CYBRD1: variants seen among roughly 807,000 people sequenced by gnomAD.
CYBRD1 encodes cytochrome b reductase 1.
In CYBRD1, 14 loss-of-function variants were observed where a neutral mutation model predicts 21.9. The observed-to-expected ratio is 0.64, with a 90% confidence interval of 0.42 to 1.00. The LOEUF (loss-of-function observed/expected upper bound fraction) is 1.00. Ranked by LOEUF, CYBRD1 falls within the 50% of genes least tolerant of loss-of-function variation. The pLI, the probability that CYBRD1 is intolerant of heterozygous loss-of-function variation, is 0.00. For missense variants in CYBRD1, 328 were observed against 352.5 expected (o/e 0.93, Z 0.56); for synonymous variants, 146 against 136.5 (o/e 1.07, Z -0.48).
At position 171,555,224 on chromosome 2, in the gene CYBRD1, T is replaced by C. The variant is rs1487440196; in HGVS notation, c.*397T>C. Reference sequence around the variant, plus strand: ...TTCTGGGAGACAATGATTTCACAACTAGCGGGAAGCAGTCCTAAAAGTTTA... The same window carrying C: ...TTCTGGGAGACAATGATTTCACAACCAGCGGGAAGCAGTCCTAAAAGTTTA... On this transcript the variant is annotated 3_prime_UTR_variant, in exon 4 of 4. Transcript: ENST00000321348. 1.1e-5 allele frequency: 3 copies of C among 274,212 alleles called. No homozygotes were observed. In the East Asian group the frequency reaches 3.0e-4, roughly 27 times the overall value. The allele number at this position is 274,212 out of a possible 1,614,324, so 17.0% of individuals were successfully genotyped here.
chr2:171,547,657 G>A (rs1222993301), intron 2 of CYBRD1, among the ~76,000 whole-genome samples: 8 of 152,106 alleles, frequency 5.3e-5, no homozygotes, highest in Non-Finnish European at 1.5e-5. Flanking sequence ...GGCTTGGGGT[G>A]ATTTCTTGCT....
chr2:171,527,983 C>T (rs1697408673), intron 1 of CYBRD1, among the ~76,000 whole-genome samples: 1 of 152,158 alleles, frequency 6.6e-6, no homozygotes, highest in African/African-American at 2.4e-5. Context: ...CTAATGACTA[C>T]CATGTCACTA....
chr2:171,553,909 A>G (rs921559496), intron 3 of CYBRD1, among the ~76,000 whole-genome samples: 1 of 152,236 alleles, frequency 6.6e-6, no homozygotes, highest in African/African-American at 2.4e-5. Context: ...AAGCAAGTAA[A>G]GAATGAAGCA....
Position 171,522,858 on chromosome 2 carries a change from G to A in CYBRD1, c.193+120G>A. ...CTGGAGGATCGCGGGGCCCGGAGGA[G>A]TGCGGTGAGGAGCGCGCGGGAAGCC... On this transcript the variant is annotated intron_variant, in intron 1 of 3. Transcript: ENST00000321348. The surrounding 1 kb of genome is among the most constrained non-coding windows in gnomAD (Gnocchi z 4.3). The A allele has an allele frequency of 6.7e-7, 1 of 1,492,950 alleles. No homozygotes were observed. The highest frequency in any genetic ancestry group is 9.0e-7 in the Non-Finnish European group (1 of 1,109,906). 92.5% of individuals were successfully genotyped at this position (1,492,950 alleles called of 1,614,324 possible).
intron 2 of CYBRD1, among the ~76,000 whole-genome samples, chr2:171,542,857 G>C (rs909442787): frequency 5.3e-5 from 8 of 151,896 alleles, no homozygotes; most frequent in Non-Finnish European, 1.0e-4. Flanking sequence ...CTCCAGCCTG[G>C]GCAACAGAGC....
At chr2:171,547,435 CTTTTT>C (rs35411294) in intron 2 of CYBRD1, among the ~76,000 whole-genome samples, 1 of 136,982 alleles carries the variant, frequency 7.3e-6, no homozygotes, top group African/African-American at 2.7e-5. Context: ...TTTGGGTGCT[CTTTTT>C]TTTTTTTTTT....
rs778755032 is a variant in CYBRD1, at chr2:171,522,542, G to T, written c.-4G>T. 6.9e-6 allele frequency: 11 copies of T among 1,594,384 alleles called. No individual in the cohort carries two copies. Among genetic ancestry groups the T allele is most frequent in the Non-Finnish European group, 1.7e-6 (2 of 1,171,786 alleles). ...GCCCCCGCGGTGCGGAGTATGGGGC[G>T]CTGATGGCCATGGAGGGCTACTGGC... On this transcript the variant is annotated 5_prime_UTR_variant, in exon 1 of 4. Transcript: ENST00000321348. This position sits in a 1 kb window ranked among gnomAD's most constrained non-coding sequence, Gnocchi z 4.3.
rs1478671516 is a variant in CYBRD1 at position 171,556,360 on chromosome 2, G to A, written c.*1533G>A. 3.3e-5 allele frequency: 5 copies of A among 152,142 alleles called. No homozygotes were observed. Among genetic ancestry groups the A allele is most frequent in the Non-Finnish European group, 5.9e-5 (4 of 68,028 alleles). 9.4% of individuals were successfully genotyped at this position (152,142 alleles called of 1,614,324 possible). A position where few individuals can be genotyped will look rare whatever the true frequency, so the allele number is the denominator to read the frequency against. ...CTCAGTAGTGAATTGAGACTTGGAGGTGACTTTTCATGTTTGGAGTATCAT... is the reference window on the plus strand; with the variant it reads ...CTCAGTAGTGAATTGAGACTTGGAGATGACTTTTCATGTTTGGAGTATCAT... On this transcript the variant is annotated 3_prime_UTR_variant, in exon 4 of 4. Coordinates refer to ENST00000321348, the MANE Select transcript of CYBRD1 (RefSeq NM_024843.4).
At chr2:171,546,108 A>G (rs893256790) in intron 2 of CYBRD1, among the ~76,000 whole-genome samples, 4 of 152,178 alleles carry the variant, frequency 2.6e-5, no homozygotes, top group African/African-American at 7.2e-5. Flanking sequence ...GGCTTTGCTT[A>G]GTGGGAGGAA....
Position 171,554,590 on chromosome 2 carries a change from C to A in CYBRD1, c.624C>A (p.Ile208=). 6.2e-7 allele frequency: 1 copy of A among 1,613,918 alleles called. No individual in the cohort carries two copies. Among genetic ancestry groups the A allele is most frequent in the Non-Finnish European group, 8.5e-7 (1 of 1,179,898 alleles). ...TCGTAAATACGCTTGGCCTTCTGAT[C>A]CTGGTGTTCGGGGCCCTCATTTTTT... ...GVFVNTLGLL[I]LVFGALIFWI... Residue 208 remains isoleucine, a synonymous_variant, in exon 4 of 4, where the codon ATC becomes ATA. Coordinates refer to ENST00000321348, the MANE Select transcript of CYBRD1 (RefSeq NM_024843.4).
intron 1 of CYBRD1, among the ~76,000 whole-genome samples, chr2:171,531,661 A>G (rs992040054): frequency 1.3e-5 from 2 of 152,084 alleles, no homozygotes; most frequent in African/African-American, 4.8e-5. Flanking sequence ...TGTAGGTTAT[A>G]TTGATCCTTA....
Position 171,541,596 on chromosome 2 carries a change from T to TACAGACTGC in CYBRD1, c.206_214dup (p.Leu71_Pro72insHisArgLeu). On this transcript the variant is annotated inframe_insertion, in exon 2 of 4. Coordinates refer to ENST00000321348, the MANE Select transcript of CYBRD1 (RefSeq NM_024843.4). ...TCGTCTTTCCCTAGCCATCATCGTC[T>TACAGACTGC]ACAGACTGCCGTGGACCTGGAAATG... The TACAGACTGC allele has an allele frequency of 6.2e-7, 1 of 1,613,924 alleles. No individual in the cohort carries two copies. Among genetic ancestry groups the TACAGACTGC allele is most frequent in the Non-Finnish European group, 8.5e-7 (1 of 1,179,914 alleles).
At chr2:171,523,272 G>A (rs1402941107) in intron 1 of CYBRD1, 1 of 432,480 alleles carries the variant, frequency 2.3e-6, no homozygotes, top group East Asian at 9.3e-5. Flanking sequence ...AAGATTGCCG[G>A]AGCGAGAATT....
At chr2:171,542,449 A>G (rs2105340002) in intron 2 of CYBRD1, among the ~76,000 whole-genome samples, 1 of 152,302 alleles carries the variant, frequency 6.6e-6, no homozygotes, top group East Asian at 1.9e-4. Flanking sequence ...CCGAAGTTCA[A>G]GACCAGACTG....
chr2:171,553,260 A>G, intron 2 of CYBRD1, 86 bp from the exon 3 acceptor site: 8 of 1,488,160 alleles, frequency 5.4e-6, no homozygotes, highest in Non-Finnish European at 7.4e-6. Context: ...AGGTTTTGTC[A>G]TATTACACAT....
At chr2:171,539,018 G>A (rs981238581) in intron 1 of CYBRD1, among the ~76,000 whole-genome samples, 1 of 151,944 alleles carries the variant, frequency 6.6e-6, no homozygotes, top group Admixed American at 6.6e-5. Flanking sequence ...GGCTTGTCTC[G>A]AACTCCTGAC....
intron 1 of CYBRD1, among the ~76,000 whole-genome samples, chr2:171,537,999 A>G (rs1559316341): frequency 6.6e-6 from 1 of 152,190 alleles, no homozygotes; most frequent in Non-Finnish European, 1.5e-5. Context: ...ATTTTAGGCC[A>G]GGCACAGTGG....
At chr2:171,532,180 T>A (rs1460146914) in intron 1 of CYBRD1, among the ~76,000 whole-genome samples, 1 of 152,206 alleles carries the variant, frequency 6.6e-6, no homozygotes, top group Non-Finnish European at 1.5e-5. Flanking sequence ...TAGAATCTGG[T>A]AAGCTCTTGC....
Position 171,554,573 on chromosome 2 carries a change from A to T in CYBRD1, c.607A>T (p.Thr203Ser). 1.9e-6 allele frequency: 3 copies of T among 1,613,858 alleles called. No homozygotes were observed. Among genetic ancestry groups the T allele is most frequent in the Non-Finnish European group, 2.5e-6 (3 of 1,179,896 alleles). ...CCCGCCAGAAGGTGTTTTCGTAAATACGCTTGGCCTTCTGATCCTGGTGTT... is the reference window on the plus strand; with the variant it reads ...CCCGCCAGAAGGTGTTTTCGTAAATTCGCTTGGCCTTCTGATCCTGGTGTT... Reference protein sequence around the residue: ...TFPPEGVFVNTLGLLILVFGA... With the variant: ...TFPPEGVFVNSLGLLILVFGA... Residue 203 changes from threonine to serine, a missense_variant, in exon 4 of 4, where the codon ACG becomes TCG. Physicochemically the swap from Thr to Ser is moderately conservative, Grantham distance 58. Transcript: ENST00000321348.
Sources: gnomAD v4.1 joint callset for allele counts (sites outside exome capture counted in the v4.1 genomes callset) on GRCh38, gnomAD v4.1.1 for gene constraint, Gnocchi (gnomAD v3.1) non-coding constraint, MANE v1.5 for transcripts, NCBI Gene and HGNC (gene_info 2026-07-23, HGNC 2026-07-21) for gene names.